The following RAB2A variants were observed in gnomAD, a reference collection of about 807,000 sequenced individuals.
RAB2A encodes ras-related protein Rab-2A.
RAB2A carries 7 observed loss-of-function variants against 32.5 expected under a neutral mutation model. The observed-to-expected ratio is 0.22, with a 90% CI of 0.12 to 0.40. The LOEUF (loss-of-function observed/expected upper bound fraction) is 0.40, where lower values mean the gene tolerates loss of function less well. RAB2A is among the 10% of genes least tolerant of loss of function. RAB2A has a pLI of 1.00. For missense variants in RAB2A, 108 were observed against 260.7 expected (o/e 0.41, Z 4.03); for synonymous variants, 79 against 85.2 (o/e 0.93, Z 0.40).
intron 3 of RAB2A, among the ~76,000 whole-genome samples, chr8:60,572,334 G>C (rs1407837549): frequency 6.6e-6 from 1 of 152,102 alleles, no homozygotes; most frequent in Non-Finnish European, 1.5e-5. Context: ...ATATCTGAGT[G>C]AATGTTCACG....
chr8:60,619,321 T>A (rs988029572), intron 7 of RAB2A, among the ~76,000 whole-genome samples: 2 of 152,216 alleles, frequency 1.3e-5, no homozygotes, highest in Admixed American at 1.3e-4. Flanking sequence ...TATTTCAAAA[T>A]GTTTATGTGG....
At chr8:60,575,093 G>GTTT (rs59359164) in intron 3 of RAB2A, among the ~76,000 whole-genome samples, 1,894 of 128,016 alleles carry the variant, frequency 0.015, 49 homozygotes, top group African/African-American at 0.049. Flanking sequence ...TTTTTTGGGG[G>GTTT]TTTTTTTTTT....
At chr8:60,535,860 C>A (rs1466995455) in intron 1 of RAB2A, among the ~76,000 whole-genome samples, 2 of 152,122 alleles carry the variant, frequency 1.3e-5, no homozygotes, top group Non-Finnish European at 2.9e-5. Context: ...AGCACTTTTT[C>A]AAGATTCTAA....
chr8:60,555,808 C>T (rs1011695204), intron 1 of RAB2A, among the ~76,000 whole-genome samples: 9 of 152,142 alleles, frequency 5.9e-5, no homozygotes, highest in African/African-American at 2.2e-4. Context: ...CCTCCAAGAA[C>T]TAAAAACAAA....
chr8:60,605,334 C>G (rs557237555), intron 6 of RAB2A, among the ~76,000 whole-genome samples: 1 of 152,334 alleles, frequency 6.6e-6, no homozygotes, highest in South Asian at 2.1e-4. Flanking sequence ...GGGTGGAGCC[C>G]TCACAGAGCA....
At chr8:60,598,324 A>T (rs940852813) in intron 6 of RAB2A, among the ~76,000 whole-genome samples, 2 of 152,250 alleles carry the variant, frequency 1.3e-5, no homozygotes, top group African/African-American at 4.8e-5. Flanking sequence ...CCAGACGTTT[A>T]AAAAAGGAAT....
In RAB2A at chr8:60,517,089, A is replaced by AGCG. The variant is rs1030971753; in HGVS notation, c.-108_-106dup. On this transcript the variant is annotated 5_prime_UTR_variant, in exon 1 of 8. Transcript: ENST00000262646. ...CTCACTCCCGGCGGCTGACAGCAGC[A>AGCG]GCGGCGGCGGCGGGCGGCGCCTGGC... 1.8e-5 allele frequency: 19 copies of AGCG among 1,080,134 alleles called. No homozygotes were observed. The highest frequency in any genetic ancestry group is 7.5e-5 in the Admixed American group (2 of 26,528). 66.9% of individuals were successfully genotyped at this position (1,080,134 alleles called of 1,614,324 possible).
chr8:60,521,122 C>T (rs1796474075), intron 1 of RAB2A, among the ~76,000 whole-genome samples: 1 of 152,196 alleles, frequency 6.6e-6, no homozygotes, highest in Non-Finnish European at 1.5e-5. Flanking sequence ...GCCCCACTTG[C>T]ATTTTAAATT....
chr8:60,571,390 C>T (rs1189549994), intron 2 of RAB2A, among the ~76,000 whole-genome samples: 1 of 152,024 alleles, frequency 6.6e-6, no homozygotes, highest in South Asian at 2.1e-4. Context: ...AAAATAATGC[C>T]ATAGTTTTAT....
At chr8:60,570,072 C>T (rs1395377676) in intron 2 of RAB2A, 1 of 455,396 alleles carries the variant, frequency 2.2e-6, no homozygotes, top group African/African-American at 2.0e-5. Context: ...GTTTCCGTAT[C>T]TTTAGCCCTC....
chr8:60,559,876 C>A (rs976163866), intron 2 of RAB2A, among the ~76,000 whole-genome samples: 1 of 151,976 alleles, frequency 6.6e-6, no homozygotes, highest in East Asian at 1.9e-4. Flanking sequence ...TTTAAAATAC[C>A]AAATCAGAGA....
At chr8:60,594,155 A>G (rs979550422) in intron 6 of RAB2A, among the ~76,000 whole-genome samples, 3 of 152,322 alleles carry the variant, frequency 2.0e-5, no homozygotes, top group Middle Eastern at 6.8e-3. Flanking sequence ...CTGACGTTAT[A>G]TGATGCATCA....
chr8:60,542,311 C>T (rs1408078610), intron 1 of RAB2A, among the ~76,000 whole-genome samples: 7 of 152,090 alleles, frequency 4.6e-5, no homozygotes, highest in African/African-American at 9.7e-5. Flanking sequence ...GTCAGGAGAT[C>T]GAGACCATTG....
intron 1 of RAB2A, among the ~76,000 whole-genome samples, chr8:60,544,344 T>A (rs1394728144): frequency 1.3e-5 from 2 of 151,850 alleles, no homozygotes; most frequent in Non-Finnish European, 2.9e-5. Flanking sequence ...CCCAGCCCAA[T>A]TCATTTTTTA....
At chr8:60,576,634 T>C (rs2130843617) in intron 3 of RAB2A, among the ~76,000 whole-genome samples, 1 of 152,364 alleles carries the variant, frequency 6.6e-6, no homozygotes, top group South Asian at 2.1e-4. Context: ...AAAAACATGT[T>C]ACTTTATACT....
chr8:60,551,646 G>A (rs1251453648), intron 1 of RAB2A, among the ~76,000 whole-genome samples: 2 of 152,134 alleles, frequency 1.3e-5, no homozygotes, highest in Non-Finnish European at 2.9e-5. Flanking sequence ...TGGTGCAAAA[G>A]TGACATTCAG....
At chr8:60,592,885 T>A (rs1230040746) in intron 6 of RAB2A, among the ~76,000 whole-genome samples, 1 of 152,210 alleles carries the variant, frequency 6.6e-6, no homozygotes, top group Admixed American at 6.5e-5. Flanking sequence ...TCCCGATTTC[T>A]AGATAAGAAC....
intron 1 of RAB2A, among the ~76,000 whole-genome samples, chr8:60,531,048 C>T (rs185944840): frequency 2.0e-5 from 3 of 152,322 alleles, no homozygotes; most frequent in Admixed American, 6.5e-5. Context: ...CACCAAGACT[C>T]AGGGTTTTGT....
At chr8:60,603,484 A>G (rs1215440117) in intron 6 of RAB2A, among the ~76,000 whole-genome samples, 2 of 152,232 alleles carry the variant, frequency 1.3e-5, no homozygotes, top group African/African-American at 4.8e-5. Flanking sequence ...AATCAGCTTT[A>G]TGATTTCATC....
Sources: gnomAD v4.1 joint callset for allele counts (sites outside exome capture counted in the v4.1 genomes callset) on GRCh38, gnomAD v4.1.1 for gene constraint, MANE v1.5 for transcripts, NCBI Gene and HGNC (gene_info 2026-07-23, HGNC 2026-07-21) for gene names.